The following ABCC4 variants were observed in gnomAD, a reference collection of about 807,000 sequenced individuals.
ABCC4 encodes the protein ATP binding cassette subfamily C member 4 (PEL blood group), also known as ATP-binding cassette sub-family C member 4.
A neutral mutation model predicts 168.5 loss-of-function variants in ABCC4; 102 were observed. The ratio of observed to expected loss-of-function variants is 0.61; its 90% CI spans 0.52 to 0.71. The LOEUF is 0.71. Among genes scored for constraint, ABCC4 ranks in the 30% least tolerant of loss-of-function variants. ABCC4 has a pLI of 0.00. For missense variants in ABCC4, 1,402 were observed against 1,605.8 expected (o/e 0.87, Z 2.17); for synonymous variants, 617 against 590.7 (o/e 1.04, Z -0.65).
At chr13:95,123,523 A>G (rs2035649574) in intron 19 of ABCC4, among the ~76,000 whole-genome samples, 4 of 152,076 alleles carry the variant, frequency 2.6e-5, no homozygotes, top group Non-Finnish European at 5.9e-5. Flanking sequence ...CGCCACACCC[A>G]GCAAATTTTT....
At position 95,028,905 on chromosome 13, in the gene ABCC4, C is replaced by T. The variant is rs147194468; in HGVS notation, c.3870+5700G>A. Among the ~76,000 whole-genome samples the T allele has an allele frequency of 6.5e-4, 99 of 152,110 alleles. 1 individual carries two copies. The East Asian group carries it at 7.7e-3, about 12-fold the overall frequency. Reference sequence around the variant, plus strand: ...AACTGGCCGGTCATGGTGGCTCACGCCTGTAATCCCAGCACTTTGGGAGGC... The same window carrying T: ...AACTGGCCGGTCATGGTGGCTCACGTCTGTAATCCCAGCACTTTGGGAGGC... On this transcript the variant is annotated intron_variant, in intron 30 of 30. Coordinates refer to ENST00000645237, the MANE Select transcript of ABCC4 (RefSeq NM_005845.5).
intron 26 of ABCC4, among the ~76,000 whole-genome samples, chr13:95,059,390 G>A (rs1460830984): frequency 1.3e-5 from 2 of 152,224 alleles, no homozygotes; most frequent in African/African-American, 2.4e-5. Context: ...CACTACTTGT[G>A]TAACTTGTCT....
intron 29 of ABCC4, among the ~76,000 whole-genome samples, chr13:95,041,149 C>G (rs981637910): frequency 6.6e-6 from 1 of 152,234 alleles, no homozygotes; most frequent in African/African-American, 2.4e-5. Flanking sequence ...ATTTGTCTGT[C>G]TTGCTCTACT....
At chr13:95,245,858 C>T (rs1248823183) in intron 3 of ABCC4, among the ~76,000 whole-genome samples, 1 of 148,688 alleles carries the variant, frequency 6.7e-6, no homozygotes, top group Non-Finnish European at 1.5e-5. Flanking sequence ...CAAACCCCCC[C>T]ACATACAAAC....
intron 20 of ABCC4, among the ~76,000 whole-genome samples, chr13:95,109,422 G>A (rs1326378848): frequency 2.0e-5 from 2 of 99,014 alleles, no homozygotes; most frequent in African/African-American, 3.0e-5. Flanking sequence ...ACACACACAG[G>A]TGCCAACAGT....
At position 95,234,724 on chromosome 13, in the gene ABCC4, C is replaced by T. The variant is rs759979410; in HGVS notation, c.417G>A (p.Thr139=). ...VALNTAYAYA[T]VLTFCTLILA... ...AAATGAGCGTGCAAAAAGTCAGCAC[C>T]GTGGCATAGGCGTACGCTGTGTTCA... Residue 139 remains threonine (T), a synonymous_variant, in exon 4 of 31, where the codon ACG becomes ACA. Coordinates refer to ENST00000645237, the MANE Select transcript of ABCC4 (RefSeq NM_005845.5). The T allele has an allele frequency of 3.0e-5, 49 of 1,613,854 alleles. No homozygotes were observed. Among genetic ancestry groups the T allele is most frequent in the Admixed American group, 1.3e-4 (8 of 59,960 alleles).
rs9524815 is a variant in ABCC4, at chr13:95,173,697, C to T, written c.1728-3069G>A. ...TAAAAGTAGGGGAGTCCTAGAGGAC[C>T]TGAAAGAGGGAAGGTGAACTAGTGC... On this transcript the variant is annotated intron_variant, in intron 13 of 30. Coordinates refer to ENST00000645237, the MANE Select transcript of ABCC4 (RefSeq NM_005845.5). 6.2e-3 allele frequency among the ~76,000 whole-genome samples: 946 copies of T among 152,260 alleles called. 14 individuals carry two copies. The highest frequency in any genetic ancestry group is 9.1e-3 in the Non-Finnish European group (617 of 68,012).
intron 3 of ABCC4, among the ~76,000 whole-genome samples, chr13:95,244,884 G>T (rs2040066407): frequency 7.8e-6 from 1 of 128,696 alleles, no homozygotes; most frequent in Non-Finnish European, 1.6e-5. Flanking sequence ...TTTCTGCCAT[G>T]ACTGCCCAAT....
chr13:95,154,047 A>G (rs1231830465), intron 19 of ABCC4, among the ~76,000 whole-genome samples: 1 of 151,932 alleles, frequency 6.6e-6, no homozygotes, highest in Non-Finnish European at 1.5e-5. Flanking sequence ...CACCTACTTC[A>G]AACTCTTAGC....
intron 4 of ABCC4, among the ~76,000 whole-genome samples, chr13:95,212,554 G>T (rs7333281): frequency 0.82 from 125,271 of 152,164 alleles, 51,773 homozygotes; most frequent in Non-Finnish European, 0.86. Context: ...TTGTGTCTGA[G>T]GCCAACAATG....
At chr13:95,254,138 T>TC (rs1175763301) in intron 1 of ABCC4, among the ~76,000 whole-genome samples, 1 of 151,910 alleles carries the variant, frequency 6.6e-6, no homozygotes, top group African/African-American at 2.4e-5. Context: ...CCTCAAGTAA[T>TC]CCCCCCACCT....
At chr13:95,148,220 T>A (rs1221944623) in intron 19 of ABCC4, among the ~76,000 whole-genome samples, 4 of 152,180 alleles carry the variant, frequency 2.6e-5, no homozygotes, top group Non-Finnish European at 5.9e-5. Flanking sequence ...CTCTTAATTG[T>A]CACTCACACA....
chr13:95,171,665 A>C (rs2069984839), intron 13 of ABCC4, among the ~76,000 whole-genome samples: 1 of 152,206 alleles, frequency 6.6e-6, no homozygotes, highest in South Asian at 2.1e-4. Context: ...CCTGTCCTCC[A>C]GTCTTCCTCA....
chr13:95,150,268 A>G (rs1017413412), intron 19 of ABCC4, among the ~76,000 whole-genome samples: 1 of 152,180 alleles, frequency 6.6e-6, no homozygotes, highest in African/African-American at 2.4e-5. Flanking sequence ...CCTGGCGAGC[A>G]TGACTGTATT....
intron 1 of ABCC4, among the ~76,000 whole-genome samples, chr13:95,298,253 C>A (rs1461704582): frequency 2.0e-5 from 3 of 152,160 alleles, no homozygotes; most frequent in Admixed American, 6.5e-5. Flanking sequence ...TGCACCACTG[C>A]ACTCCAGCCT....
chr13:95,057,801 A>G (rs2033122190), intron 26 of ABCC4, among the ~76,000 whole-genome samples: 1 of 152,244 alleles, frequency 6.6e-6, no homozygotes, highest in Admixed American at 6.5e-5. Context: ...CCATTCGAAG[A>G]AACAGCACTT....
At chr13:95,250,904 C>G (rs1295891546) in intron 1 of ABCC4, among the ~76,000 whole-genome samples, 1 of 151,866 alleles carries the variant, frequency 6.6e-6, no homozygotes, top group Non-Finnish European at 1.5e-5. Context: ...CCTCCCACCT[C>G]TACCTCCCAA....
At chr13:95,184,429 A>G (rs1165251371) in intron 11 of ABCC4, among the ~76,000 whole-genome samples, 4 of 152,180 alleles carry the variant, frequency 2.6e-5, no homozygotes, top group African/African-American at 9.7e-5. Context: ...CCCCCAACTG[A>G]GAGGTGCCTG....
intron 18 of ABCC4, among the ~76,000 whole-genome samples, chr13:95,162,779 C>T (rs975506678): frequency 6.6e-5 from 10 of 152,004 alleles, no homozygotes; most frequent in Admixed American, 3.9e-4. Context: ...GGTGGAGATC[C>T]GTTTCTAATC....
Sources: allele counts gnomAD v4.1 joint callset (sites outside exome capture counted in the v4.1 genomes callset), GRCh38; gene constraint gnomAD v4.1.1; transcripts MANE v1.5; gene names NCBI Gene and HGNC (gene_info 2026-07-23, HGNC 2026-07-21).